CPSF3: variants seen among roughly 807,000 people sequenced by gnomAD.
The protein encoded by CPSF3 is cleavage and polyadenylation specificity factor subunit 3.
A neutral mutation model predicts 84.1 loss-of-function variants in CPSF3; 57 were observed. The ratio of observed to expected loss-of-function variants is 0.68; its 90% CI spans 0.55 to 0.85. The LOEUF (loss-of-function observed/expected upper bound fraction) is 0.85, where lower values mean the gene tolerates loss of function less well. CPSF3 is among the 40% of genes least tolerant of loss of function. The probability of loss-of-function intolerance (pLI) is 0.00; values close to 1 mark genes in which losing one functional copy is unlikely to be tolerated. For synonymous variants in CPSF3, 275 were observed against 278.1 expected, an observed-to-expected ratio of 0.99 and a Z score of 0.11; for missense variants, 522 against 838.8, an observed-to-expected ratio of 0.62 and a Z score of 4.66.
Position 9,433,853 on chromosome 2 carries a change from G to A in CPSF3, c.520-18G>A, listed in dbSNP as rs76962241. On this transcript the variant is annotated intron_variant, in intron 5 of 17. Transcript: ENST00000238112. ...GCCTTCCCCAAATCCTAACTTTCTA[G>A]TTTTATCTTTTTCACAGCTTTTGTA... 2.6e-6 allele frequency: 4 copies of A among 1,565,116 alleles called. No homozygotes were observed. The highest frequency in any genetic ancestry group is 3.5e-6 in the Non-Finnish European group (4 of 1,142,722).
intron 15 of CPSF3, among the ~76,000 whole-genome samples, chr2:9,464,294 A>C (rs574031731): frequency 6.6e-6 from 1 of 152,266 alleles, no homozygotes; most frequent in South Asian, 2.1e-4. Flanking sequence ...TTCTGTGTTT[A>C]ATATGATCTC....
At chr2:9,449,367 G>A (rs532214418) in intron 11 of CPSF3, among the ~76,000 whole-genome samples, 30 of 152,268 alleles carry the variant, frequency 2.0e-4, no homozygotes, top group African/African-American at 5.8e-4. Context: ...TGGAGGTTGC[G>A]GTGAGCTGCG....
intron 6 of CPSF3, 152 bp downstream of exon 6, chr2:9,434,112 G>A (rs1467676785): frequency 3.7e-6 from 2 of 539,680 alleles, no homozygotes; most frequent in African/African-American, 2.0e-5. Flanking sequence ...CGGGCACGGT[G>A]GCTCACACCT....
intron 17 of CPSF3, among the ~76,000 whole-genome samples, chr2:9,472,006 CAAAAAAA>C (rs35342941): frequency 6.1e-4 from 59 of 97,190 alleles, no homozygotes; most frequent in South Asian, 3.8e-3. Flanking sequence ...ACTCTGTCTC[CAAAAAAA>C]AAAAAAAAAA....
At chr2:9,455,793 C>T in intron 13 of CPSF3, 36 bp downstream of exon 13, 3 of 1,436,292 alleles carry the variant, frequency 2.1e-6, no homozygotes, top group Middle Eastern at 1.8e-4. Context: ...TCATTGTTTT[C>T]TGTCTTTTAG....
At chr2:9,467,148 C>T (rs1237318223) in intron 15 of CPSF3, among the ~76,000 whole-genome samples, 1 of 152,102 alleles carries the variant, frequency 6.6e-6, no homozygotes, top group East Asian at 1.9e-4. Context: ...TCAGAGCATG[C>T]CTGAAACTCC....
rs1331935527 is a variant in CPSF3, at chr2:9,424,343, G to C, written c.50+520G>C. The C allele has an allele frequency of 2.0e-5, 16 of 785,710 alleles. No individual in the cohort carries two copies. The South Asian group carries it at 8.0e-4, about 39-fold the overall frequency. The allele number at this position is 785,710 out of a possible 1,614,324, so 48.7% of individuals were successfully genotyped here. On this transcript the variant is annotated intron_variant, in intron 1 of 17. Transcript: ENST00000238112. ...GATCTTCTCAGCTCAGGCCCTAGTAGAATAAGGAAGGTGTAAAGCTGGAGA... is the reference window on the plus strand; with the variant it reads ...GATCTTCTCAGCTCAGGCCCTAGTACAATAAGGAAGGTGTAAAGCTGGAGA...
intron 6 of CPSF3, among the ~76,000 whole-genome samples, chr2:9,434,545 A>T (rs1680712444): frequency 6.6e-6 from 1 of 152,114 alleles, no homozygotes; most frequent in African/African-American, 2.4e-5. Context: ...CTGTCTTCTA[A>T]ATATATATTT....
chr2:9,469,683 C>A (rs1682096333), intron 16 of CPSF3, among the ~76,000 whole-genome samples: 1 of 152,014 alleles, frequency 6.6e-6, no homozygotes. Flanking sequence ...CAGAACTATT[C>A]AACTCTGAGG....
intron 15 of CPSF3, among the ~76,000 whole-genome samples, chr2:9,462,348 A>G (rs1005252718): frequency 2.0e-5 from 3 of 152,234 alleles, no homozygotes; most frequent in Non-Finnish European, 4.4e-5. Context: ...CTAATTAGAA[A>G]TTGATATACT....
chr2:9,454,640 G>C (rs957840195), intron 12 of CPSF3, among the ~76,000 whole-genome samples: 4 of 149,760 alleles, frequency 2.7e-5, no homozygotes, highest in African/African-American at 4.9e-5. Flanking sequence ...CACCTCCCGG[G>C]TTCATGCCAT....
At chr2:9,444,768 C>A (rs1442997924) in intron 10 of CPSF3, among the ~76,000 whole-genome samples, 1 of 152,066 alleles carries the variant, frequency 6.6e-6, no homozygotes, top group Non-Finnish European at 1.5e-5. Context: ...TGGGTTAAAG[C>A]AATTCTCCTG....
At chr2:9,432,764 A>C in intron 5 of CPSF3, 76 bp downstream of exon 5, 1 of 1,183,480 alleles carries the variant, frequency 8.4e-7, no homozygotes, top group Non-Finnish European at 1.1e-6. Context: ...CTATTAAAAA[A>C]AAAAATTCCC....
chr2:9,433,723 G>A, intron 5 of CPSF3, 148 bp from the exon 6 acceptor site: 1 of 611,170 alleles, frequency 1.6e-6, no homozygotes. Flanking sequence ...TACACATTTT[G>A]AATTGGACAC....
Position 9,440,560 on chromosome 2 carries a change from A to T in CPSF3, c.830A>T (p.Lys277Met), listed in dbSNP as rs1260881532. ...PIYYASSLAK[K>M]CMAVYQTYVN... ...TACTATGCATCATCTTTGGCCAAGA[A>T]GTGTATGGCAGTGTACCAGACATAT... is the stretch of plus-strand genomic sequence containing the variant. The change falls in exon 8 of 18, where the codon AAG becomes ATG. Residue 277 changes from lysine (K) to methionine (M), a missense_variant. Around this residue, in one of 2 missense-constraint regions of CPSF3, gnomAD observed 329 missense variants for 607.2 expected, o/e 0.54. Coordinates refer to ENST00000238112, the MANE Select transcript of CPSF3 (RefSeq NM_016207.4). 6.2e-7 allele frequency: 1 copy of T among 1,614,188 alleles called. No individual in the cohort carries two copies. Among genetic ancestry groups the T allele is most frequent in the South Asian group, 1.1e-5 (1 of 91,088 alleles).
chr2:9,433,325 C>T (rs983202998), intron 5 of CPSF3, among the ~76,000 whole-genome samples: 2 of 152,198 alleles, frequency 1.3e-5, no homozygotes, highest in Non-Finnish European at 2.9e-5. Context: ...TAACGTCAGC[C>T]AGAGAACCAA....
intron 11 of CPSF3, among the ~76,000 whole-genome samples, chr2:9,451,151 G>C (rs937464032): frequency 1.6e-4 from 25 of 152,112 alleles, no homozygotes; most frequent in Admixed American, 6.5e-4. Context: ...TCTTATCGGA[G>C]TGTTCTGTTT....
chr2:9,472,945 C>T lies in CPSF3; in HGVS notation c.1983C>T (p.Asp661=), dbSNP rs144272038. ...TAGAATGTGAAGAGGGAAGTGAAGACGATGAATCCCTCCGAGAAATGGTGG... is the reference window on the plus strand; with the variant it reads ...TAGAATGTGAAGAGGGAAGTGAAGATGATGAATCCCTCCGAGAAATGGTGG... ...RTVECEEGSE[D]DESLREMVEL... is the part of the protein sequence containing the mutation. Residue 661 remains aspartate (D), a synonymous_variant, in exon 18 of 18, where the codon GAC becomes GAT. Coordinates refer to ENST00000238112, the MANE Select transcript of CPSF3 (RefSeq NM_016207.4). 344 of 1,613,742 alleles carry T rather than the reference C, an allele frequency of 2.1e-4. No individual in the cohort carries two copies. The African/African-American group carries it at 2.8e-3, about 13-fold the overall frequency.
chr2:9,448,901 A>AT (rs375020457), intron 11 of CPSF3, among the ~76,000 whole-genome samples: 285 of 152,114 alleles, frequency 1.9e-3, no homozygotes, highest in African/African-American at 6.5e-3. Flanking sequence ...TTTAATCCAT[A>AT]TCCCCACTTG....
Sources: allele counts gnomAD v4.1 joint callset (sites outside exome capture counted in the v4.1 genomes callset), GRCh38; gene constraint gnomAD v4.1.1; regional missense constraint gnomAD v4.1.1; transcripts MANE v1.5; gene names NCBI Gene and HGNC (gene_info 2026-07-23, HGNC 2026-07-21).